The following MORC2 variants were observed in gnomAD, a reference collection of about 807,000 sequenced individuals.
The protein encoded by MORC2 is ATPase MORC2.
In MORC2, 30 loss-of-function variants were observed where a neutral mutation model predicts 136.0. That is an observed-to-expected ratio of 0.22 (90% confidence interval 0.17 to 0.30). The LOEUF is 0.30. Ranked by LOEUF, MORC2 falls within the 10% of genes least tolerant of loss-of-function variation. The pLI, the probability that MORC2 is intolerant of heterozygous loss-of-function variation, is 1.00. For synonymous variants in MORC2, 439 were observed against 487.0 expected, an observed-to-expected ratio of 0.90 and a Z score of 1.30; for missense variants, 922 against 1,333.1, an observed-to-expected ratio of 0.69 and a Z score of 4.80.
chr22:30,937,993 T>G lies in MORC2; in HGVS notation c.1215-24A>C. Reference sequence around the variant, plus strand: ...CCCTACAGGGAGAAAGAGAACAAGCTCTGTCACCCCACTGGCAACGCCCTC... The same window carrying G: ...CCCTACAGGGAGAAAGAGAACAAGCGCTGTCACCCCACTGGCAACGCCCTC... On this transcript the variant is annotated intron_variant, in intron 13 of 25. Transcript: ENST00000397641. The surrounding 1 kb of genome is among the most constrained non-coding windows in gnomAD (Gnocchi z 4.7). The G allele has an allele frequency of 6.2e-7, 1 of 1,613,794 alleles. No homozygotes were observed.
chr22:30,950,337 G>GCGGGGGGCCCCCCCCC, intron 4 of MORC2, 40 bp downstream of exon 4: 1 of 761,760 alleles, frequency 1.3e-6, no homozygotes, highest in Non-Finnish European at 2.3e-6. Flanking sequence ...TGGTTACATC[G>GCGGGGGGCCCCCCCCC]CACCCCCCCA....
Position 30,937,402 on chromosome 22 carries a change from C to T in MORC2, c.1498+181G>A, listed in dbSNP as rs1380336544. Among the ~76,000 whole-genome samples the T allele has an allele frequency of 6.6e-6, 1 of 152,158 alleles. No individual in the cohort carries two copies. The highest frequency in any genetic ancestry group is 2.4e-5 in the African/African-American group (1 of 41,422). On this transcript the variant is annotated intron_variant, in intron 15 of 25. Transcript: ENST00000397641. The surrounding 1 kb of genome is among the most constrained non-coding windows in gnomAD (Gnocchi z 4.7). ...GACCTTCTTTCTCACTCAAGAGGGA[C>T]AGGTGAAACTCAGCAAAGCCTCAAG...
intron 21 of MORC2, among the ~76,000 whole-genome samples, 185 bp from the exon 22 acceptor site, chr22:30,933,215 G>A (rs1160566794): frequency 2.6e-5 from 4 of 152,158 alleles, no homozygotes; most frequent in African/African-American, 9.7e-5. Context: ...CATCTGCTAT[G>A]AGGGTGCCAA....
chr22:30,946,184 C>G (rs1304533445), intron 6 of MORC2, among the ~76,000 whole-genome samples, 157 bp downstream of exon 6: 1 of 152,224 alleles, frequency 6.6e-6, no homozygotes, highest in Admixed American at 6.5e-5. Context: ...AACCCCTCAA[C>G]CAATTCATCC....
chr22:30,945,431 T>C (rs1471727325), intron 6 of MORC2, among the ~76,000 whole-genome samples: 1 of 152,256 alleles, frequency 6.6e-6, no homozygotes, highest in African/African-American at 2.4e-5. Flanking sequence ...ATGAATTAAA[T>C]TGTAAGTCTG....
chr22:30,940,610 G>C (rs1219663794), intron 10 of MORC2, 148 bp downstream of exon 10: 8 of 697,108 alleles, frequency 1.1e-5, no homozygotes, highest in Admixed American at 4.4e-5. Flanking sequence ...TGTAGTGAAA[G>C]GGGCTGCAAA....
At chr22:30,933,413 C>A (rs1311281122) in intron 21 of MORC2, 53 bp downstream of exon 21, 1 of 1,591,614 alleles carries the variant, frequency 6.3e-7, no homozygotes, top group Non-Finnish European at 8.6e-7. Context: ...GGCTCCACTT[C>A]CACTCCCACT....
chr22:30,937,518 A>G lies in MORC2; in HGVS notation c.1498+65T>C. On this transcript the variant is annotated intron_variant, in intron 15 of 25. Coordinates refer to ENST00000397641, the MANE Select transcript of MORC2 (RefSeq NM_001303256.3). The surrounding 1 kb of genome is among the most constrained non-coding windows in gnomAD (Gnocchi z 4.7). Reference sequence around the variant, plus strand: ...CAGTCAAGTTAGGAGGCTGGCAGGAAGATAGAGAAAAGAGGCTTGTGGGCT... The same window carrying G: ...CAGTCAAGTTAGGAGGCTGGCAGGAGGATAGAGAAAAGAGGCTTGTGGGCT... The G allele has an allele frequency of 3.8e-6, 6 of 1,579,006 alleles. No individual in the cohort carries two copies. Among genetic ancestry groups the G allele is most frequent in the Non-Finnish European group, 4.3e-6 (5 of 1,164,088 alleles).
intron 5 of MORC2, among the ~76,000 whole-genome samples, chr22:30,946,927 G>A (rs1323681386): frequency 2.6e-5 from 4 of 152,058 alleles, no homozygotes; most frequent in African/African-American, 7.2e-5. Context: ...AGTTCCCACC[G>A]TGTCCTTCCT....
intron 12 of MORC2, among the ~76,000 whole-genome samples, chr22:30,938,688 G>A (rs1165846055): frequency 6.6e-6 from 1 of 152,058 alleles, no homozygotes; most frequent in Non-Finnish European, 1.5e-5. Context: ...TCCTGCCTCA[G>A]CCTCCCAAGT....
chr22:30,950,170 G>C (rs551277579), intron 4 of MORC2, among the ~76,000 whole-genome samples: 1 of 152,194 alleles, frequency 6.6e-6, no homozygotes. Flanking sequence ...TTGCCTTTCA[G>C]ATCCTATCTC....
Position 30,941,695 on chromosome 22 carries a change from C to CA in MORC2, c.699-138_699-137insT. On this transcript the variant is annotated intron_variant, in intron 8 of 25. Coordinates refer to ENST00000397641, the MANE Select transcript of MORC2 (RefSeq NM_001303256.3). The surrounding 1 kb of genome is among the most constrained non-coding windows in gnomAD (Gnocchi z 4.6). ...CTGCTGCTGCCCTGAACTGGTGCTC[C>CA]CTTAGTGTGAGCACCACATCCCGCC... is the stretch of plus-strand genomic sequence containing the variant. 1 of 1,305,822 alleles carries CA rather than the reference C, an allele frequency of 7.7e-7. No individual in the cohort carries two copies. Among genetic ancestry groups the CA allele is most frequent in the Non-Finnish European group, 1.0e-6 (1 of 954,576 alleles). 80.9% of individuals were successfully genotyped at this position (1,305,822 alleles called of 1,614,324 possible). A position where few individuals can be genotyped will look rare whatever the true frequency, so the allele number is the denominator to read the frequency against.
chr22:30,926,826 C>T lies in MORC2; in HGVS notation c.3076G>A (p.Asp1026Asn). The change falls in exon 26 of 26, where the codon GAC becomes AAC. Residue 1026 changes from aspartate to asparagine, a missense_variant. By Grantham distance (23) the Asp-to-Asn change is conservative. This residue lies in a region of MORC2 where 263 missense variants were observed against 388.3 expected (regional missense o/e 0.68). Coordinates refer to ENST00000397641, the MANE Select transcript of MORC2 (RefSeq NM_001303256.3). ...TDDELDAYIEDLITKGD is the reference protein window; with the variant it reads ...TDDELDAYIENLITKGD ...CTTCAGTCCCCCTTGGTGATGAGGT[C>T]CTCAATGTAGGCGTCCAGCTCATCA... 6.2e-7 allele frequency: 1 copy of T among 1,613,698 alleles called. No individual in the cohort carries two copies. Among genetic ancestry groups the T allele is most frequent in the Non-Finnish European group, 8.5e-7 (1 of 1,179,894 alleles).
In MORC2 at chr22:30,936,842, G is replaced by C. The variant is rs150502942; in HGVS notation, c.1604+90C>G. 3.1e-3 allele frequency: 4,178 copies of C among 1,351,182 alleles called. 31 individuals carry two copies. Among genetic ancestry groups the C allele is most frequent in the South Asian group, 0.01 (858 of 82,148 alleles). The allele number at this position is 1,351,182 out of a possible 1,614,324, so 83.7% of individuals were successfully genotyped here. A position where few individuals can be genotyped will look rare whatever the true frequency, so the allele number is the denominator to read the frequency against. ...CAGTTATTAGGTGTGGCAAGACAGA[G>C]ATGTAAGGTATGTGCACTGACCTCA... On this transcript the variant is annotated intron_variant, in intron 16 of 25. Coordinates refer to ENST00000397641, the MANE Select transcript of MORC2 (RefSeq NM_001303256.3).
chr22:30,939,690 A>G lies in MORC2; in HGVS notation c.1004T>C (p.Val335Ala). Residue 335 changes from valine to alanine, a missense_variant, in exon 12 of 26, where the codon GTC (valine) becomes GCC (alanine). By Grantham distance (64) the Val-to-Ala change is moderately conservative (BLOSUM62 0). This residue lies in a region of MORC2 where 261 missense variants were observed against 354.3 expected (regional missense o/e 0.74). Transcript: ENST00000397641. Reference protein sequence around the residue: ...TRDSRVMLRQVQNRAITLRRE... With the variant: ...TRDSRVMLRQAQNRAITLRRE... ...GCGCAGAGTGATGGCTCTGTTCTGG[A>G]CCTGTCGCAACATCACCTGCACACA... 6.2e-7 allele frequency: 1 copy of G among 1,613,998 alleles called. No homozygotes were observed. The highest frequency in any genetic ancestry group is 8.5e-7 in the Non-Finnish European group (1 of 1,180,010).
rs572300427 is a variant in MORC2 at position 30,940,665 on chromosome 22, T to C, written c.904+93A>G. 4.6e-6 allele frequency: 5 copies of C among 1,098,042 alleles called. No individual in the cohort carries two copies. The African/African-American group carries it at 4.6e-5, about 10-fold the overall frequency. The allele number at this position is 1,098,042 out of a possible 1,614,324, so 68.0% of individuals were successfully genotyped here. On this transcript the variant is annotated intron_variant, in intron 10 of 25. Transcript: ENST00000397641. ...GGAGACCAGCCTTGTCCCTGAGTTGTGGACTCAGCCTTTTCCTGGAACCCC... is the reference window on the plus strand; with the variant it reads ...GGAGACCAGCCTTGTCCCTGAGTTGCGGACTCAGCCTTTTCCTGGAACCCC...
chr22:30,948,100 T>C (rs1410118799), intron 5 of MORC2, among the ~76,000 whole-genome samples: 1 of 152,204 alleles, frequency 6.6e-6, no homozygotes, highest in African/African-American at 2.4e-5. Flanking sequence ...ACTTTCAGAG[T>C]CACATTTCAT....
chr22:30,965,748 T>C (rs1333245884), intron 1 of MORC2, among the ~76,000 whole-genome samples: 3 of 152,128 alleles, frequency 2.0e-5, no homozygotes, highest in Non-Finnish European at 4.4e-5. Context: ...AGCTATAAAA[T>C]AGCAAAGGGG....
intron 1 of MORC2, among the ~76,000 whole-genome samples, chr22:30,963,975 T>A (rs950390464): frequency 1.3e-5 from 2 of 152,220 alleles, no homozygotes; most frequent in Admixed American, 6.5e-5. Flanking sequence ...ATATTTAAGA[T>A]ATGAGCCTGC....
Sources: gnomAD v4.1 joint callset for allele counts (sites outside exome capture counted in the v4.1 genomes callset) on GRCh38, gnomAD v4.1.1 for gene constraint, gnomAD v4.1.1 regional missense constraint, Gnocchi (gnomAD v3.1) non-coding constraint, MANE v1.5 for transcripts, NCBI Gene and HGNC (gene_info 2026-07-23, HGNC 2026-07-21) for gene names.